The following STEAP4 variants were observed in gnomAD, a reference collection of about 807,000 sequenced individuals.
The protein encoded by STEAP4 is metalloreductase STEAP4.
STEAP4 carries 36 observed loss-of-function variants against 43.6 expected under a neutral mutation model. The ratio of observed to expected loss-of-function variants is 0.83; its 90% confidence interval spans 0.63 to 1.09. The LOEUF is 1.09. STEAP4 is among the 50% of genes least tolerant of loss of function. The pLI is 0.00. For synonymous variants in STEAP4, 191 were observed against 196.7 expected (o/e 0.97, Z 0.24); for missense variants, 495 against 546.5 (o/e 0.91, Z 0.94).
rs2087356488 is a variant in STEAP4, at chr7:88,275,375, A to T, written c.*4023T>A. On this transcript the variant is annotated 3_prime_UTR_variant, in exon 5 of 5. Coordinates refer to ENST00000380079, the MANE Select transcript of STEAP4 (RefSeq NM_024636.4). The stretch of plus-strand genomic sequence containing the variant: ...CCAAAGTGCTGGGATTACAGGTGTG[A>T]GTCACTGCGCCCGGCCAGTCTCAGG... The T allele has an allele frequency of 6.6e-6, 1 of 152,202 alleles. No homozygotes were observed. Among genetic ancestry groups the T allele is most frequent in the South Asian group, 2.1e-4 (1 of 4,832 alleles). The allele number at this position is 152,202 out of a possible 1,614,324, so 9.4% of individuals were successfully genotyped here.
intron 1 of STEAP4, chr7:88,293,127 G>A (rs937127742): frequency 6.6e-6 from 1 of 152,156 alleles, no homozygotes; most frequent in African/African-American, 2.4e-5. Flanking sequence ...CCCCTTACCA[G>A]GTATTTATGA....
At chr7:88,284,354 A>C in intron 1 of STEAP4, 83 bp from the exon 2 acceptor site, 1 of 1,001,468 alleles carries the variant, frequency 1.0e-6, no homozygotes, top group East Asian at 2.6e-5. Context: ...TCAAGAAGTA[A>C]TGTAATTGAC....
intron 1 of STEAP4, among the ~76,000 whole-genome samples, chr7:88,298,509 A>ACACACACC (rs1554543553): frequency 2.1e-5 from 3 of 146,212 alleles, no homozygotes; most frequent in Non-Finnish European, 3.1e-5. Flanking sequence ...ACACACACAC[A>ACACACACC]CCTTTTACTC....
At chr7:88,301,777 T>C (rs1181054224) in intron 1 of STEAP4, among the ~76,000 whole-genome samples, 1 of 152,092 alleles carries the variant, frequency 6.6e-6, no homozygotes, top group African/African-American at 2.4e-5. Context: ...GGTTTCACCA[T>C]GTTGGCCAGG....
chr7:88,280,442 A>T (rs964735935), intron 4 of STEAP4, among the ~76,000 whole-genome samples: 1 of 152,188 alleles, frequency 6.6e-6, no homozygotes, highest in African/African-American at 2.4e-5. Context: ...GGTCTACAAG[A>T]ATGTGTAGTT....
At chr7:88,284,832 C>G (rs904077194) in intron 1 of STEAP4, among the ~76,000 whole-genome samples, 1 of 151,980 alleles carries the variant, frequency 6.6e-6, no homozygotes, top group East Asian at 1.9e-4. Context: ...TGTTAAAATT[C>G]AACATTTATT....
At chr7:88,294,138 A>T (rs1376301204) in intron 1 of STEAP4, among the ~76,000 whole-genome samples, 1 of 152,102 alleles carries the variant, frequency 6.6e-6, no homozygotes, top group African/African-American at 2.4e-5. Flanking sequence ...CCTAACCCAA[A>T]AATATAAAAT....
At chr7:88,304,958 C>T (rs1227180803) in intron 1 of STEAP4, among the ~76,000 whole-genome samples, 1 of 152,044 alleles carries the variant, frequency 6.6e-6, no homozygotes, top group Non-Finnish European at 1.5e-5. Context: ...TATAAAATTC[C>T]ATAACAAATG....
rs1473670717 is a variant in STEAP4, at chr7:88,273,342, A to G, written c.*6056T>C. ...CTCCTTCAAAATCTGTTGACTTTCT[A>G]AAAATCATAAGGCCAAGTTTAATTC... On this transcript the variant is annotated 3_prime_UTR_variant, in exon 5 of 5. Coordinates refer to ENST00000380079, the MANE Select transcript of STEAP4 (RefSeq NM_024636.4). 6.6e-6 allele frequency: 1 copy of G among 152,224 alleles called. No individual in the cohort carries two copies. Among genetic ancestry groups the G allele is most frequent in the Non-Finnish European group, 1.5e-5 (1 of 68,036 alleles). The allele number at this position is 152,224 out of a possible 1,614,324, so 9.4% of individuals were successfully genotyped here.
rs1294158107 is a variant in STEAP4 at position 88,275,637 on chromosome 7, TGGA to T, written c.*3758_*3760del. The T allele has an allele frequency of 2.0e-4, 25 of 128,176 alleles. No homozygotes were observed. Among genetic ancestry groups the T allele is most frequent in the African/African-American group, 6.4e-4 (21 of 32,766 alleles). 7.9% of individuals were successfully genotyped at this position (128,176 alleles called of 1,614,324 possible). On this transcript the variant is annotated 3_prime_UTR_variant, in exon 5 of 5. Coordinates refer to ENST00000380079, the MANE Select transcript of STEAP4 (RefSeq NM_024636.4). Reference sequence around the variant, plus strand: ...TGTGTGTGTGTGTGTGTGTGTGTGTTGGAGAAGTGGTAGTGAAGATGATGGTTG... The same window carrying T: ...TGTGTGTGTGTGTGTGTGTGTGTGTTGAAGTGGTAGTGAAGATGATGGTTG...
At position 88,275,653 on chromosome 7, in the gene STEAP4, A is replaced by G; in HGVS notation, c.*3745T>C. On this transcript the variant is annotated 3_prime_UTR_variant, in exon 5 of 5. Coordinates refer to ENST00000380079, the MANE Select transcript of STEAP4 (RefSeq NM_024636.4). ...TGTGTGTGTTGGAGAAGTGGTAGTGAAGATGATGGTTGTGATGATGGAGAA... is the reference window on the plus strand; with the variant it reads ...TGTGTGTGTTGGAGAAGTGGTAGTGGAGATGATGGTTGTGATGATGGAGAA... 6.6e-6 allele frequency: 1 copy of G among 150,600 alleles called. No homozygotes were observed. The highest frequency in any genetic ancestry group is 2.0e-4 in the East Asian group (1 of 5,106). The allele number at this position is 150,600 out of a possible 1,614,324, so 9.3% of individuals were successfully genotyped here.
Position 88,278,004 on chromosome 7 carries a change from T to C in STEAP4, c.*1394A>G, listed in dbSNP as rs1852542245. 1 of 152,016 alleles carries C rather than the reference T, an allele frequency of 6.6e-6. No individual in the cohort carries two copies. Among genetic ancestry groups the C allele is most frequent in the Non-Finnish European group, 1.5e-5 (1 of 68,010 alleles). The allele number at this position is 152,016 out of a possible 1,614,324, so 9.4% of individuals were successfully genotyped here. ...AAAATATCCTGGATTGTTGATGTTG[T>C]TTTAATATATTTTAATCATTTTTGT... is the stretch of plus-strand genomic sequence containing the variant. On this transcript the variant is annotated 3_prime_UTR_variant, in exon 5 of 5. Coordinates refer to ENST00000380079, the MANE Select transcript of STEAP4 (RefSeq NM_024636.4).
At position 88,274,781 on chromosome 7, in the gene STEAP4, C is replaced by T. The variant is rs1177126465; in HGVS notation, c.*4617G>A. On this transcript the variant is annotated 3_prime_UTR_variant, in exon 5 of 5. Transcript: ENST00000380079. ...CAGATGATTCCCAGAACTGAGGGCT[C>T]CTCCTGCTTTTAGAACATATAGGGT... The T allele has an allele frequency of 6.6e-6, 1 of 152,112 alleles. No individual in the cohort carries two copies. The highest frequency in any genetic ancestry group is 1.5e-5 in the Non-Finnish European group (1 of 68,030). 9.4% of individuals were successfully genotyped at this position (152,112 alleles called of 1,614,324 possible). A position where few individuals can be genotyped will look rare whatever the true frequency, so the allele number is the denominator to read the frequency against.
At chr7:88,295,375 T>C (rs1241394593) in intron 1 of STEAP4, among the ~76,000 whole-genome samples, 1 of 152,056 alleles carries the variant, frequency 6.6e-6, no homozygotes, top group Non-Finnish European at 1.5e-5. Flanking sequence ...CTGCAAAGGG[T>C]TACACTAGAA....
At chr7:88,283,496 T>C (rs1852667226) in intron 2 of STEAP4, 1 of 487,058 alleles carries the variant, frequency 2.1e-6, no homozygotes, top group African/African-American at 2.0e-5. Flanking sequence ...AGTGTATAAA[T>C]GGAACCAGTT....
chr7:88,283,041 T>TTTG lies in STEAP4; in HGVS notation c.583_584insCAA (p.Gln195delinsProLys). On this transcript the variant is annotated protein_altering_variant, in exon 3 of 5. Transcript: ENST00000380079. Reference sequence around the variant, plus strand: ...GGGGAACCTCCACATTGGAAATAGCTGCAGGGGGTACTTTTCAATTTCTTT... The same window carrying TTTG: ...GGGGAACCTCCACATTGGAAATAGCTTTGGCAGGGGGTACTTTTCAATTTCTTT... The TTTG allele has an allele frequency of 6.2e-7, 1 of 1,613,714 alleles. No homozygotes were observed. Among genetic ancestry groups the TTTG allele is most frequent in the Non-Finnish European group, 8.5e-7 (1 of 1,179,886 alleles).
Position 88,284,167 on chromosome 7 carries a change from CCA to C in STEAP4, c.101_102del (p.Leu34ArgfsTer53). The C allele has an allele frequency of 6.2e-7, 1 of 1,614,074 alleles. No individual in the cohort carries two copies. The highest frequency in any genetic ancestry group is 8.5e-7 in the Non-Finnish European group (1 of 1,180,008). Reference sequence around the variant, plus strand: ...TAACCACACTGGAGCATTTTCAATCCCAGTGATCTTCCAAAATCACCAGTTCC... The same window carrying C: ...TAACCACACTGGAGCATTTTCAATCCGTGATCTTCCAAAATCACCAGTTCC... ...IFGTGDFGRS[L>X]GLKMLQCGYS... On this transcript the variant is annotated frameshift_variant, in exon 2 of 5. Transcript: ENST00000380079. LOFTEE classifies it high-confidence loss of function.
chr7:88,284,815 G>T (rs1852699641), intron 1 of STEAP4, among the ~76,000 whole-genome samples: 2 of 151,946 alleles, frequency 1.3e-5, no homozygotes, highest in Non-Finnish European at 1.5e-5. Flanking sequence ...TATGTTAAAA[G>T]GACATCTGTT....
intron 1 of STEAP4, among the ~76,000 whole-genome samples, chr7:88,287,242 C>T (rs530924502): frequency 6.6e-6 from 1 of 152,312 alleles, no homozygotes; most frequent in East Asian, 1.9e-4. Context: ...GTCAGCAGCA[C>T]CCCACTGGCA....
Sources: allele counts gnomAD v4.1 joint callset (sites outside exome capture counted in the v4.1 genomes callset), GRCh38; gene constraint gnomAD v4.1.1; transcripts MANE v1.5; gene names NCBI Gene and HGNC (gene_info 2026-07-23, HGNC 2026-07-21).